KIR2DL1: variants seen among roughly 807,000 people sequenced by gnomAD.
The protein encoded by KIR2DL1 is killer cell immunoglobulin-like receptor 2DL1.
In KIR2DL1, 38 loss-of-function variants were observed where a neutral mutation model predicts 33.9. That is an observed-to-expected ratio of 1.12 (90% CI 0.86 to 1.47). The LOEUF (loss-of-function observed/expected upper bound fraction) is 1.47. KIR2DL1 is among the 40% of genes most tolerant of loss of function. KIR2DL1 has a pLI of 0.00. For missense variants in KIR2DL1, 531 were observed against 433.9 expected (o/e 1.22, Z -1.99); for synonymous variants, 179 against 165.9 (o/e 1.08, Z -0.61).
chr19:54,781,734 A>G (rs1202531186), intron 5 of KIR2DL1, among the ~76,000 whole-genome samples: 1 of 152,058 alleles, frequency 6.6e-6, no homozygotes, highest in Admixed American at 6.5e-5. Flanking sequence ...ACGGGCTTCA[A>G]CACTATTTCC....
rs370648831 is a variant in KIR2DL1, at chr19:54,772,800, C to T, written c.71-533C>T. On this transcript the variant is annotated intron_variant, in intron 2 of 7. Coordinates refer to ENST00000336077, the MANE Select transcript of KIR2DL1 (RefSeq NM_014218.3). ...AGATGATGATGCCACCACCAGGCTCCATCCACATAGGGAGGGGTTGATACT... is the reference window on the plus strand; with the variant it reads ...AGATGATGATGCCACCACCAGGCTCTATCCACATAGGGAGGGGTTGATACT... Among the ~76,000 whole-genome samples the T allele has an allele frequency of 9.7e-5, 14 of 144,662 alleles. No homozygotes were observed. The East Asian group carries it at 2.4e-3, about 24-fold the overall frequency. 94.9% of individuals were successfully genotyped at this position (144,662 alleles called of 152,430 possible).
At chr19:54,775,913 G>T (rs1255340435) in intron 4 of KIR2DL1, among the ~76,000 whole-genome samples, 2 of 139,196 alleles carry the variant, frequency 1.4e-5, no homozygotes, top group Admixed American at 1.4e-4. Flanking sequence ...TTTTTTTGAG[G>T]TGGAGTCTAG....
intron 4 of KIR2DL1, among the ~76,000 whole-genome samples, chr19:54,776,473 T>A (rs1314317731): frequency 1.4e-5 from 2 of 146,450 alleles, no homozygotes; most frequent in South Asian, 4.3e-4. Flanking sequence ...ATTCTCTCTA[T>A]CCATTCACCC....
At chr19:54,773,702 C>T (rs1466006371) in intron 3 of KIR2DL1, 70 bp downstream of exon 3, 1 of 1,447,236 alleles carries the variant, frequency 6.9e-7, no homozygotes, top group Non-Finnish European at 9.5e-7. Context: ...ATTGGAGACC[C>T]AGGTGGCTGT....
chr19:54,773,405 A>G lies in KIR2DL1; in HGVS notation c.143A>G (p.Gln48Arg). 6 of 1,594,800 alleles carry G rather than the reference A, an allele frequency of 3.8e-6. No individual in the cohort carries two copies. Among genetic ancestry groups the G allele is most frequent in the Non-Finnish European group, 5.1e-6 (6 of 1,166,410 alleles). Reference protein sequence around the residue: ...LVKSEETVILQCWSDVMFEHF... With the variant: ...LVKSEETVILRCWSDVMFEHF... ...AAATCAGAAGAGACAGTCATCCTGC[A>G]GTGTTGGTCAGATGTCATGTTTGAA... The change falls in exon 3 of 8, where the codon CAG (glutamine) becomes CGG (arginine). Residue 48 changes from glutamine to arginine, a missense_variant. Transcript: ENST00000336077.
At chr19:54,773,166 A>G (rs1045088283) in intron 2 of KIR2DL1, among the ~76,000 whole-genome samples, 167 bp from the exon 3 acceptor site, 2 of 148,530 alleles carry the variant, frequency 1.3e-5, no homozygotes, top group Admixed American at 6.8e-5. Flanking sequence ...TGAGGGAGAC[A>G]GATGGAAGGA....
rs576898426 is a variant in KIR2DL1, at chr19:54,782,758, A to G, written c.716-164A>G. Among the ~76,000 whole-genome samples, 7 of 151,962 alleles carry G rather than the reference A, an allele frequency of 4.6e-5. 1 individual carries two copies. In the East Asian group the frequency reaches 1.4e-3, roughly 29 times the overall value. ...CTCAGCACGTTCTATGGTTACTATG[A>G]GAGCTATAACAGAAAAAGCAGGAGA... On this transcript the variant is annotated intron_variant, in intron 5 of 7. Coordinates refer to ENST00000336077, the MANE Select transcript of KIR2DL1 (RefSeq NM_014218.3).
At chr19:54,781,750 G>A (rs375182803) in intron 5 of KIR2DL1, among the ~76,000 whole-genome samples, 3,330 of 150,986 alleles carry the variant, frequency 0.022, 69 homozygotes, top group South Asian at 0.082. Context: ...TTTCCTGGCC[G>A]TTTGACATAA....
In KIR2DL1 at chr19:54,784,310, A is replaced by G. The variant is rs1287992758; in HGVS notation, c.*497A>G. On this transcript the variant is annotated 3_prime_UTR_variant, in exon 8 of 8. Transcript: ENST00000336077. Reference sequence around the variant, plus strand: ...GTAGTTTTCCATCCTTCAAATAAACATGTCTGCCCCCATGGTTTCGGTAAT... The same window carrying G: ...GTAGTTTTCCATCCTTCAAATAAACGTGTCTGCCCCCATGGTTTCGGTAAT... 4.3e-6 allele frequency: 1 copy of G among 233,178 alleles called. No homozygotes were observed. Among genetic ancestry groups the G allele is most frequent in the Admixed American group, 5.3e-5 (1 of 19,016 alleles). 14.4% of individuals were successfully genotyped at this position (233,178 alleles called of 1,614,324 possible).
Position 54,775,261 on chromosome 19 carries a change from A to C in KIR2DL1, c.467A>C (p.Asp156Ala). The change falls in exon 4 of 8, where the codon GAC (aspartate) becomes GCC (alanine). Residue 156 changes from aspartate to alanine, a missense_variant. By Grantham distance (126) the Asp-to-Ala change is moderately radical. Transcript: ENST00000336077. ...TLSCSSRSSY[D>A]MYHLSREGEA... Reference sequence around the variant, plus strand: ...TCCTGCAGCTCCCGGAGCTCCTATGACATGTACCATCTATCCAGGGAAGGG... The same window carrying C: ...TCCTGCAGCTCCCGGAGCTCCTATGCCATGTACCATCTATCCAGGGAAGGG... 1.9e-6 allele frequency: 3 copies of C among 1,603,258 alleles called. No individual in the cohort carries two copies. The highest frequency in any genetic ancestry group is 2.6e-6 in the Non-Finnish European group (3 of 1,172,250).
intron 5 of KIR2DL1, 150 bp from the exon 6 acceptor site, chr19:54,782,772 A>T: frequency 1.3e-6 from 1 of 791,802 alleles, no homozygotes; most frequent in Non-Finnish European, 2.2e-6. Flanking sequence ...CTATAACAGA[A>T]AAAGCAGGAG....
In KIR2DL1 at chr19:54,770,891, C is replaced by A. The variant is rs2075634857; in HGVS notation, c.70+7C>A. On this transcript the variant is annotated splice_region_variant and intron_variant, in intron 2 of 7. Coordinates refer to ENST00000336077, the MANE Select transcript of KIR2DL1 (RefSeq NM_014218.3). ...GGGGCCTGGCCACATGAGGGTGAGTCCTTCTCCCAACCTTCGGGTGTCATC... is the reference window on the plus strand; with the variant it reads ...GGGGCCTGGCCACATGAGGGTGAGTACTTCTCCCAACCTTCGGGTGTCATC... 45 of 1,583,164 alleles carry A rather than the reference C, an allele frequency of 2.8e-5. No homozygotes were observed. The highest frequency in any genetic ancestry group is 3.8e-5 in the Non-Finnish European group (44 of 1,155,916).
At position 54,773,846 on chromosome 19, in the gene KIR2DL1, G is replaced by A. The variant is rs1320901206; in HGVS notation, c.370+214G>A. On this transcript the variant is annotated intron_variant, in intron 3 of 7. Transcript: ENST00000336077. ...AGAACAGACACAGGGGCCATACCGG[G>A]AGTTAGAAAAGACAGAAAGAGTTAA... 1.1e-4 allele frequency among the ~76,000 whole-genome samples: 17 copies of A among 148,260 alleles called. 2 individuals are homozygous for A. Among genetic ancestry groups the A allele is most frequent in the African/African-American group, 3.9e-4 (16 of 40,558 alleles).
chr19:54,781,919 C>T (rs1218901808), intron 5 of KIR2DL1, among the ~76,000 whole-genome samples: 1 of 152,040 alleles, frequency 6.6e-6, no homozygotes, highest in Non-Finnish European at 1.5e-5. Context: ...AGACTCTAAA[C>T]ACCTCCTGGA....
chr19:54,773,932 G>C lies in KIR2DL1; in HGVS notation c.370+300G>C, dbSNP rs561400200. 2.1e-4 allele frequency among the ~76,000 whole-genome samples: 31 copies of C among 148,112 alleles called. 3 individuals are homozygous for C. The South Asian group carries it at 2.8e-3, about 13-fold the overall frequency. On this transcript the variant is annotated intron_variant, in intron 3 of 7. Transcript: ENST00000336077. ...TGTCCCTCCATGCTGACTTTGCTCA[G>C]AGACCTGGCACAGGTTAGAAGTTTC...
chr19:54,777,373 G>C (rs1352517287), intron 4 of KIR2DL1, among the ~76,000 whole-genome samples: 1 of 148,082 alleles, frequency 6.8e-6, no homozygotes, highest in African/African-American at 2.5e-5. Context: ...TGACACAAGT[G>C]AGCCACCTCA....
At chr19:54,774,595 A>G (rs1376651549) in intron 3 of KIR2DL1, among the ~76,000 whole-genome samples, 2 of 148,472 alleles carry the variant, frequency 1.3e-5, no homozygotes, top group African/African-American at 4.9e-5. Context: ...ATTCATTAAT[A>G]GATGAGACAT....
At chr19:54,776,237 TTATATA>T (rs58651549) in intron 4 of KIR2DL1, among the ~76,000 whole-genome samples, 3 of 141,236 alleles carry the variant, frequency 2.1e-5, no homozygotes. Context: ...AAATACATTT[TTATATA>T]TATATATATA....
intron 4 of KIR2DL1, among the ~76,000 whole-genome samples, chr19:54,776,092 A>G (rs1311958377): frequency 6.9e-6 from 1 of 144,902 alleles, no homozygotes; most frequent in African/African-American, 2.5e-5. Flanking sequence ...TGGTTTCACC[A>G]TGTTGGTCGA....
Sources: gnomAD v4.1 joint callset for allele counts (sites outside exome capture counted in the v4.1 genomes callset) on GRCh38, gnomAD v4.1.1 for gene constraint, MANE v1.5 for transcripts, NCBI Gene and HGNC (gene_info 2026-07-23, HGNC 2026-07-21) for gene names.